The following LRRC57 variants were observed in gnomAD, a reference collection of about 807,000 sequenced individuals.
LRRC57 encodes leucine rich repeat containing 57, also known as leucine-rich repeat-containing protein 57.
Under a neutral mutation model 23.1 loss-of-function variants are expected in LRRC57, and 14 were observed. The ratio of observed to expected loss-of-function variants is 0.61; its 90% CI spans 0.40 to 0.95. The LOEUF (loss-of-function observed/expected upper bound fraction) is 0.95, where lower values mean the gene tolerates loss of function less well. Ranked by LOEUF, LRRC57 falls within the 40% of genes least tolerant of loss-of-function variation. LRRC57 has a pLI of 0.00. For synonymous variants in LRRC57, 106 were observed against 115.2 expected, an observed-to-expected ratio of 0.92 and a Z score of 0.51; for missense variants, 236 against 284.4, an observed-to-expected ratio of 0.83 and a Z score of 1.22.
At chr15:42,548,601 C>T (rs1018269891) in intron 1 of LRRC57, 92 bp downstream of exon 1, 2 of 678,234 alleles carry the variant, frequency 2.9e-6, no homozygotes, top group Non-Finnish European at 4.9e-6. Context: ...GAAGAACACA[C>T]AGCCCGACCA....
At chr15:42,531,452 A>G in the LRRC57 span, 10 of 1,599,364 alleles carry the variant, frequency 6.3e-6, no homozygotes, top group South Asian at 1.0e-4. Flanking sequence ...TGCCAATGCC[A>G]GAGCAAAGAA....
rs1045985941 is a variant in LRRC57 at position 42,548,700 on chromosome 15, C to T, written c.-30G>A. 7 of 627,564 alleles carry T rather than the reference C, an allele frequency of 1.1e-5. No homozygotes were observed. In the Admixed American group the frequency reaches 1.5e-4, roughly 13 times the overall value. 38.9% of individuals were successfully genotyped at this position (627,564 alleles called of 1,614,324 possible). A position where few individuals can be genotyped will look rare whatever the true frequency, so the allele number is the denominator to read the frequency against. On this transcript the variant is annotated 5_prime_UTR_variant, in exon 1 of 6. Transcript: ENST00000397130. ...AGGGAGCCCCGGACTCGCCTCCCAC[C>T]GCTCAGCTGCCGTAAGGCTCCGCAG...
At position 42,539,272 on chromosome 15, in the gene LRRC57, A is replaced by G. The variant is rs980407535; in HGVS notation, c.*4811T>C. 6.6e-6 allele frequency: 1 copy of G among 152,136 alleles called. No individual in the cohort carries two copies. Among genetic ancestry groups the G allele is most frequent in the Non-Finnish European group, 1.5e-5 (1 of 68,064 alleles). The allele number at this position is 152,136 out of a possible 1,614,324, so 9.4% of individuals were successfully genotyped here. A position where few individuals can be genotyped will look rare whatever the true frequency, so the allele number is the denominator to read the frequency against. ...GGCAGGGGGATCACCTGAGGCCAGG[A>G]GTCTGAGATAAGCCTGGCTAACATA... On this transcript the variant is annotated 3_prime_UTR_variant, in exon 6 of 6. Transcript: ENST00000397130.
At position 42,548,126 on chromosome 15, in the gene LRRC57, G is replaced by C; in HGVS notation, c.203C>G (p.Ser68Cys). The C allele has an allele frequency of 6.2e-7, 1 of 1,614,218 alleles. No homozygotes were observed. The highest frequency in any genetic ancestry group is 1.6e-4 in the Middle Eastern group (1 of 6,062). ...CATACTCAGTTTGTTGTTGTTCAGGGAGAGGCTCTTCAGCAGAGTGAACTT... is the reference window on the plus strand; with the variant it reads ...CATACTCAGTTTGTTGTTGTTCAGGCAGAGGCTCTTCAGCAGAGTGAACTT... The part of the protein sequence containing the change: ...IGKFTLLKSL[S>C]LNNNKLTVLP... The change falls in exon 3 of 6, where the codon TCC (serine) becomes TGC (cysteine). Residue 68 changes from serine to cysteine, a missense_variant. Transcript: ENST00000397130.
At chr15:42,535,437 C>A (rs938120862), downstream of LRRC57, among the ~76,000 whole-genome samples, 2 of 151,556 alleles carry the variant, frequency 1.3e-5, no homozygotes, top group Admixed American at 6.6e-5. Flanking sequence ...AGCCTTTAGC[C>A]TGTCTTGGCA....
chr15:42,545,539 A>G (rs1048847379), intron 4 of LRRC57: 2 of 219,842 alleles, frequency 9.1e-6, no homozygotes, highest in Admixed American at 5.8e-5. Flanking sequence ...TATGTTCATT[A>G]TAGAAAATTT....
chr15:42,544,958 C>A, intron 5 of LRRC57, 119 bp downstream of exon 5: 1 of 753,788 alleles, frequency 1.3e-6, no homozygotes. Context: ...TTTGAATCTA[C>A]TTCCAAAATG....
At chr15:42,544,708 G>T (rs962159545) in intron 5 of LRRC57, among the ~76,000 whole-genome samples, 2 of 151,328 alleles carry the variant, frequency 1.3e-5, no homozygotes, top group African/African-American at 2.4e-5. Flanking sequence ...CAGCTACTAG[G>T]GGGGCTGAGG....
rs2057663745 is a variant in LRRC57 at position 42,547,315 on chromosome 15, T to C, written c.438A>G (p.Ile146Met). 6.2e-7 allele frequency: 1 copy of C among 1,614,072 alleles called. No individual in the cohort carries two copies. ...CTTGCAGCTCTCCCACTGAGTCAGG[T>C]ATACTTCGAATCTGGTTCTTAGAGA... ...MDLSKNQIRS[I>M]PDSVGELQVI... The change falls in exon 4 of 6, where the codon ATA becomes ATG. Residue 146 changes from isoleucine (I) to methionine (M), a missense_variant. Physicochemically the swap from Ile to Met is conservative, Grantham distance 10 (BLOSUM62 1). Transcript: ENST00000397130.
chr15:42,532,486 T>C, the LRRC57 span: 3 of 152,392 alleles, frequency 2.0e-5, no homozygotes, highest in East Asian at 3.8e-4. Context: ...GAACACTTTA[T>C]ATAAATGAGT....
downstream of LRRC57, among the ~76,000 whole-genome samples, chr15:42,536,114 A>G (rs1318081992): frequency 6.6e-6 from 1 of 152,154 alleles, no homozygotes; most frequent in Non-Finnish European, 1.5e-5. Context: ...GGTTTGTGGC[A>G]TCCCAAAACA....
intron 3 of LRRC57, 107 bp downstream of exon 3, chr15:42,547,999 A>C: frequency 8.8e-7 from 1 of 1,130,892 alleles, no homozygotes; most frequent in South Asian, 1.5e-5. Context: ...TCGCAACTTG[A>C]GCCCTCCTGC....
chr15:42,542,832 C>T lies in LRRC57; in HGVS notation c.*1251G>A, dbSNP rs2057637230. The T allele has an allele frequency of 1.3e-5, 2 of 152,618 alleles. No individual in the cohort carries two copies. The highest frequency in any genetic ancestry group is 2.9e-5 in the Non-Finnish European group (2 of 68,052). The allele number at this position is 152,618 out of a possible 1,614,324, so 9.5% of individuals were successfully genotyped here. On this transcript the variant is annotated 3_prime_UTR_variant, in exon 6 of 6. Coordinates refer to ENST00000397130, the MANE Select transcript of LRRC57 (RefSeq NM_153260.3). ...GCTACCGCAGCCTTAGAGAGCAGTT[C>T]TTAGAGGTCTGCTGGTGCTTCTCTT...
chr15:42,548,360 C>T lies in LRRC57; in HGVS notation c.75G>A (p.Gly25=). Residue 25 remains glycine, a synonymous_variant, in exon 2 of 6, where the codon GGG becomes GGA. Transcript: ENST00000397130. The part of the protein sequence containing the change: ...KTGVFQLKDR[G]LTEFPADLQK... ...TCCCTCCCAGTCTCACCTCGGTCAG[C>T]CCTCGGTCCTTAAGCTGAAAGACAC... 3 of 1,614,230 alleles carry T rather than the reference C, an allele frequency of 1.9e-6. No individual in the cohort carries two copies. The highest frequency in any genetic ancestry group is 1.1e-5 in the South Asian group (1 of 91,092).
rs1001255600 is a variant in LRRC57 at position 42,539,830 on chromosome 15, C to T, written c.*4253G>A. On this transcript the variant is annotated 3_prime_UTR_variant, in exon 6 of 6. Coordinates refer to ENST00000397130, the MANE Select transcript of LRRC57 (RefSeq NM_153260.3). The stretch of plus-strand genomic sequence containing the variant: ...TAGAATGTGAGAAGTGCTATAGTAA[C>T]AGATGGGTGAGCAGTTAATTCGGCT... 2.6e-5 allele frequency: 4 copies of T among 152,158 alleles called. No homozygotes were observed. Among genetic ancestry groups the T allele is most frequent in the Admixed American group, 1.3e-4 (2 of 15,264 alleles). 9.4% of individuals were successfully genotyped at this position (152,158 alleles called of 1,614,324 possible). A position where few individuals can be genotyped will look rare whatever the true frequency, so the allele number is the denominator to read the frequency against.
In LRRC57 at chr15:42,539,477, C is replaced by CAAATAAAAAA. The variant is rs2057616868; in HGVS notation, c.*4605_*4606insTTTTTTATTT. 1 of 43,650 alleles carries CAAATAAAAAA rather than the reference C, an allele frequency of 2.3e-5. No individual in the cohort carries two copies. The highest frequency in any genetic ancestry group is 1.1e-4 in the African/African-American group (1 of 9,212). 2.7% of individuals were successfully genotyped at this position (43,650 alleles called of 1,614,324 possible). On this transcript the variant is annotated 3_prime_UTR_variant, in exon 6 of 6. Coordinates refer to ENST00000397130, the MANE Select transcript of LRRC57 (RefSeq NM_153260.3). ...TGGGCGAAACAGACAGCCTCTGTCT[C>CAAATAAAAAA]AAAAAAAAAAAAAAAAAAAAAGAGA... is the stretch of plus-strand genomic sequence containing the variant.
At chr15:42,533,218 T>C (rs1246566129), downstream of LRRC57, among the ~76,000 whole-genome samples, 1 of 152,228 alleles carries the variant, frequency 6.6e-6, no homozygotes, top group Non-Finnish European at 1.5e-5. Flanking sequence ...CCAGTATTTA[T>C]TGAAAATATT....
rs1002910035 is a variant in LRRC57, at chr15:42,538,522, T to C, written c.*5561A>G. On this transcript the variant is annotated 3_prime_UTR_variant, in exon 6 of 6. Coordinates refer to ENST00000397130, the MANE Select transcript of LRRC57 (RefSeq NM_153260.3). Reference sequence around the variant, plus strand: ...ATCCTCCAGCCTCAGGCCTCCTCAATAGCTGGGACTATAGATGCCTGCCTC... The same window carrying C: ...ATCCTCCAGCCTCAGGCCTCCTCAACAGCTGGGACTATAGATGCCTGCCTC... 6.6e-6 allele frequency: 1 copy of C among 152,290 alleles called. No individual in the cohort carries two copies. The highest frequency in any genetic ancestry group is 3.4e-3 in the Middle Eastern group (1 of 294). The allele number at this position is 152,290 out of a possible 1,614,324, so 9.4% of individuals were successfully genotyped here. A position where few individuals can be genotyped will look rare whatever the true frequency, so the allele number is the denominator to read the frequency against.
chr15:42,541,166 G>C lies in LRRC57; in HGVS notation c.*2917C>G, dbSNP rs938124449. The C allele has an allele frequency of 2.0e-5, 3 of 152,082 alleles. 1 individual carries two copies. In the South Asian group the frequency reaches 6.2e-4, roughly 31 times the overall value. 9.4% of individuals were successfully genotyped at this position (152,082 alleles called of 1,614,324 possible). A position where few individuals can be genotyped will look rare whatever the true frequency, so the allele number is the denominator to read the frequency against. On this transcript the variant is annotated 3_prime_UTR_variant, in exon 6 of 6. Coordinates refer to ENST00000397130, the MANE Select transcript of LRRC57 (RefSeq NM_153260.3). ...TTAGAAAAAACAAAACTCCTAAACTGGTATGGATAAACTAGTACCCCTTTC... is the reference window on the plus strand; with the variant it reads ...TTAGAAAAAACAAAACTCCTAAACTCGTATGGATAAACTAGTACCCCTTTC...
Sources: gnomAD v4.1 joint callset for allele counts (sites outside exome capture counted in the v4.1 genomes callset) on GRCh38, gnomAD v4.1.1 for gene constraint, MANE v1.5 for transcripts, NCBI Gene and HGNC (gene_info 2026-07-23, HGNC 2026-07-21) for gene names.